The following SUN2 variants were observed in gnomAD, a reference collection of about 807,000 sequenced individuals.
The protein encoded by SUN2 is SUN domain-containing protein 2.
A neutral mutation model predicts 100.0 loss-of-function variants in SUN2; 60 were observed. That is an observed-to-expected ratio of 0.60 (90% CI 0.49 to 0.74). The LOEUF (loss-of-function observed/expected upper bound fraction) is 0.74. SUN2 is among the 30% of genes least tolerant of loss of function. SUN2 has a pLI of 0.00. For missense variants in SUN2, 834 were observed against 954.6 expected, an observed-to-expected ratio of 0.87 and a Z score of 1.66; for synonymous variants, 367 against 403.3, an observed-to-expected ratio of 0.91 and a Z score of 1.08.
At chr22:38,752,857 T>TCTGTGAAGCACCCCTGCACTGC (rs2092957739) in intron 1 of SUN2, among the ~76,000 whole-genome samples, 192 bp from the exon 2 acceptor site, 3 of 152,126 alleles carry the variant, frequency 2.0e-5, no homozygotes, top group African/African-American at 7.2e-5. Context: ...CCCTGCACTG[T>TCTGTGAAGCACCCCTGCACTGC]GCAGCGGCTG....
rs953318803 is a variant in SUN2 at position 38,735,397 on chromosome 22, C to T, written c.*870G>A. On this transcript the variant is annotated 3_prime_UTR_variant, in exon 18 of 18. Coordinates refer to ENST00000689035, the MANE Select transcript of SUN2 (RefSeq NM_015374.3). ...GAGCCCAGGAGTTCCATGCTCCCCA[C>T]TCTTCTTGCTATAACCCCAGATGCT... The T allele has an allele frequency of 2.8e-6, 1 of 359,180 alleles. No individual in the cohort carries two copies. The highest frequency in any genetic ancestry group is 2.1e-5 in the African/African-American group (1 of 46,644). 22.2% of individuals were successfully genotyped at this position (359,180 alleles called of 1,614,324 possible).
At chr22:38,741,273 C>T (rs1331532989) in intron 10 of SUN2, among the ~76,000 whole-genome samples, 2 of 152,202 alleles carry the variant, frequency 1.3e-5, no homozygotes, top group African/African-American at 4.8e-5. Flanking sequence ...AGCACATGCA[C>T]ACCAGCATGA....
At position 38,742,425 on chromosome 22, in the gene SUN2, G is replaced by C; in HGVS notation, c.944C>G (p.Pro315Arg). ...CAGGCCACCACCACCTCCCTGGCCA[G>C]GAGCCCCTTGCCGCAGCTCCAGACG... ...LERLELRQGAPGQGGGGGLSH... is the reference protein window; with the variant it reads ...LERLELRQGARGQGGGGGLSH... The change falls in exon 9 of 18, where the codon CCT becomes CGT. Residue 315 changes from proline to arginine, a missense_variant. This residue lies in a region of SUN2 where 559 missense variants were observed against 597.7 expected (regional missense o/e 0.94). Coordinates refer to ENST00000689035, the MANE Select transcript of SUN2 (RefSeq NM_015374.3). 6.2e-7 allele frequency: 1 copy of C among 1,613,456 alleles called. No homozygotes were observed. Among genetic ancestry groups the C allele is most frequent in the Non-Finnish European group, 8.5e-7 (1 of 1,180,012 alleles).
rs2092842415 is a variant in SUN2 at position 38,740,165 on chromosome 22, C to G, written c.1356+102G>C. On this transcript the variant is annotated intron_variant, in intron 12 of 17. Transcript: ENST00000689035. This position sits in a 1 kb window ranked among gnomAD's most constrained non-coding sequence, Gnocchi z 4.8. ...CAACGCCACAGTCTCTTGGGCATAA[C>G]AGAGGCTGCAGGGGCAAGGGGTGCT... 7.2e-7 allele frequency: 1 copy of G among 1,396,852 alleles called. No individual in the cohort carries two copies. Among genetic ancestry groups the G allele is most frequent in the Admixed American group, 2.8e-5 (1 of 35,712 alleles). 86.5% of individuals were successfully genotyped at this position (1,396,852 alleles called of 1,614,324 possible).
rs1376134458 is a variant in SUN2, at chr22:38,748,775, G to A, written c.623C>T (p.Ser208Leu). 8 of 1,614,124 alleles carry A rather than the reference G, an allele frequency of 5.0e-6. No homozygotes were observed. The highest frequency in any genetic ancestry group is 1.1e-5 in the South Asian group (1 of 91,090). The change falls in exon 7 of 18, where the codon TCG becomes TTG. Residue 208 changes from serine to leucine, a missense_variant. Coordinates refer to ENST00000689035, the MANE Select transcript of SUN2 (RefSeq NM_015374.3). Reference sequence around the variant, plus strand: ...GAACCAGAGGAACGTCTTCAGGGACGAGAAGCGCCTGGACCACGCGGGAGG... The same window carrying A: ...GAACCAGAGGAACGTCTTCAGGGACAAGAAGCGCCTGGACCACGCGGGAGG... ...LDVFVLTRRFSSLKTFLWFLL... is the reference protein window; with the variant it reads ...LDVFVLTRRFLSLKTFLWFLL...
At chr22:38,743,560 C>G (rs1169644122) in intron 8 of SUN2, 1 of 123,760 alleles carries the variant, frequency 8.1e-6, no homozygotes, top group African/African-American at 3.1e-5. Context: ...GCACTTTAGT[C>G]TGGGCAACAA....
intron 8 of SUN2, chr22:38,745,197 A>G (rs1015088586): frequency 1.1e-5 from 5 of 470,904 alleles, no homozygotes; most frequent in African/African-American, 4.0e-5. Flanking sequence ...AGCAAAGTGC[A>G]CATGGAGTAC....
rs377750954 is a variant in SUN2 at position 38,739,039 on chromosome 22, C to T, written c.1664-51G>A. ...GGGCTCCCGCACGGGAGGAGGGCCC[C>T]GCTCAGGCCATTGGCTGTCTCCTCG... On this transcript the variant is annotated intron_variant, in intron 14 of 17. Transcript: ENST00000689035. This position sits in a 1 kb window ranked among gnomAD's most constrained non-coding sequence, Gnocchi z 6.7. 5.3e-5 allele frequency: 81 copies of T among 1,538,292 alleles called. No individual in the cohort carries two copies. The highest frequency in any genetic ancestry group is 2.0e-4 in the Middle Eastern group (1 of 5,058).
chr22:38,754,581 T>G, intron 1 of SUN2: 4 of 1,092,642 alleles, frequency 3.7e-6, no homozygotes, highest in African/African-American at 1.6e-5. Context: ...CTTGTCTCTA[T>G]TCCTGTCCTT....
intron 1 of SUN2, 34 bp from the exon 2 acceptor site, chr22:38,752,699 G>A: frequency 6.4e-7 from 1 of 1,574,324 alleles, no homozygotes; most frequent in South Asian, 1.1e-5. Context: ...TGGATGTGAG[G>A]CCTGGGGCTG....
intron 7 of SUN2, among the ~76,000 whole-genome samples, chr22:38,747,924 CAGA>C (rs1376583936): frequency 6.6e-6 from 1 of 152,132 alleles, no homozygotes; most frequent in Non-Finnish European, 1.5e-5. Context: ...GCTGGGGTGA[CAGA>C]AGAAGACTTT....
Position 38,736,316 on chromosome 22 carries a change from T to G in SUN2, c.2105A>C (p.Glu702Ala). The change falls in exon 18 of 18, where the codon GAG becomes GCG. Residue 702 changes from glutamate (E) to alanine (A), a missense_variant. Glu to Ala is a moderately radical substitution (Grantham distance 107, BLOSUM62 -1). This residue lies in a region of SUN2 where 80 missense variants were observed against 76.7 expected (regional missense o/e 1.04). Transcript: ENST00000689035. The part of the protein sequence containing the change: ...LRILTNWGHP[E>A]YTCIYRFRVH... ...TCTGAAGCGGTAGATGCAGGTGTAC[T>G]CGGGGTGGCCCCAGTTAGTCAGGAT... 6.2e-7 allele frequency: 1 copy of G among 1,613,996 alleles called. No individual in the cohort carries two copies. Among genetic ancestry groups the G allele is most frequent in the Non-Finnish European group, 8.5e-7 (1 of 1,179,926 alleles).
At chr22:38,750,154 AACTGCAGAGAG>A (rs2092933276) in intron 5 of SUN2, 60 bp downstream of exon 5, 51 of 1,565,792 alleles carry the variant, frequency 3.3e-5, no homozygotes, top group Non-Finnish European at 4.2e-5. Flanking sequence ...CAGGATGCCC[AACTGCAGAGAG>A]ATGGGTAAGA....
chr22:38,736,394 A>C lies in SUN2; in HGVS notation c.2041-14T>G, dbSNP rs767152526. On this transcript the variant is annotated splice_polypyrimidine_tract_variant and intron_variant, in intron 17 of 17. Coordinates refer to ENST00000689035, the MANE Select transcript of SUN2 (RefSeq NM_015374.3). ...CATCGTAGGGGCCTGGGTAGAGAAGAAAGGGATTAAGAGCATCAGAGACCT... is the reference window on the plus strand; with the variant it reads ...CATCGTAGGGGCCTGGGTAGAGAAGCAAGGGATTAAGAGCATCAGAGACCT... 1.9e-6 allele frequency: 3 copies of C among 1,604,724 alleles called. No individual in the cohort carries two copies. In the South Asian group the frequency reaches 3.3e-5, roughly 18 times the overall value.
chr22:38,745,184 G>A (rs545856094), intron 8 of SUN2: 1 of 471,138 alleles, frequency 2.1e-6, no homozygotes, highest in Non-Finnish European at 4.4e-6. Flanking sequence ...AGCCTGCCGG[G>A]TGAGCAAAGT....
In SUN2 at chr22:38,755,446, C is replaced by T; in HGVS notation, c.-38+317G>A. The stretch of plus-strand genomic sequence containing the variant: ...GTCCCTGGAAACGGCCTGTCTGGCA[C>T]AAAACCCGTAGGCGCTGCCCGGGGC... On this transcript the variant is annotated intron_variant, in intron 1 of 17. Coordinates refer to ENST00000689035, the MANE Select transcript of SUN2 (RefSeq NM_015374.3). The surrounding 1 kb of genome is among the most constrained non-coding windows in gnomAD (Gnocchi z 5.7). 1 of 993,014 alleles carries T rather than the reference C, an allele frequency of 1.0e-6. No homozygotes were observed. Among genetic ancestry groups the T allele is most frequent in the Non-Finnish European group, 1.2e-6 (1 of 833,610 alleles). 61.5% of individuals were successfully genotyped at this position (993,014 alleles called of 1,614,324 possible). A position where few individuals can be genotyped will look rare whatever the true frequency, so the allele number is the denominator to read the frequency against.
chr22:38,749,480 G>A (rs571051830), intron 6 of SUN2, among the ~76,000 whole-genome samples: 17 of 152,296 alleles, frequency 1.1e-4, no homozygotes, highest in Middle Eastern at 3.4e-3. Context: ...AGCCAGGCAC[G>A]GCTAGACTAG....
chr22:38,748,742 G>A lies in SUN2; in HGVS notation c.656C>T (p.Pro219Leu), dbSNP rs1883206. Residue 219 changes from proline to leucine, a missense_variant, in exon 7 of 18, where the codon CCG becomes CTG. Coordinates refer to ENST00000689035, the MANE Select transcript of SUN2 (RefSeq NM_015374.3). The stretch of plus-strand genomic sequence containing the variant: ...CGTCAGGCACGTCAGCAAGAGCAGC[G>A]GCAGCAGGAACCAGAGGAACGTCTT... ...SLKTFLWFLL[P>L]LLLLTCLTYG... 1.8e-3 allele frequency: 2,853 copies of A among 1,614,222 alleles called. 49 individuals are homozygous for A. In the African/African-American group the frequency reaches 0.035, roughly 20 times the overall value.
At chr22:38,742,008 T>C (rs1025347071) in intron 9 of SUN2, among the ~76,000 whole-genome samples, 1 of 151,956 alleles carries the variant, frequency 6.6e-6, no homozygotes, top group Non-Finnish European at 1.5e-5. Context: ...GATGTGGTGG[T>C]GCACGCCTGT....
Sources: gnomAD v4.1 joint callset for allele counts (sites outside exome capture counted in the v4.1 genomes callset) on GRCh38, gnomAD v4.1.1 for gene constraint, gnomAD v4.1.1 regional missense constraint, Gnocchi (gnomAD v3.1) non-coding constraint, MANE v1.5 for transcripts, NCBI Gene and HGNC (gene_info 2026-07-23, HGNC 2026-07-21) for gene names.